Variants in MACROD2 observed in about 807,000 individuals in gnomAD.
MACROD2 encodes the protein mono-ADP ribosylhydrolase 2.
In MACROD2, 36 loss-of-function variants were observed where a neutral mutation model predicts 70.4. That is an observed-to-expected ratio of 0.51 (90% confidence interval 0.39 to 0.68). The LOEUF (loss-of-function observed/expected upper bound fraction) is 0.68, where lower values mean the gene tolerates loss of function less well. MACROD2 is among the 30% of genes least tolerant of loss of function. The probability of loss-of-function intolerance (pLI) is 0.00; values close to 1 mark genes in which losing one functional copy is unlikely to be tolerated. For missense variants in MACROD2, 496 were observed against 538.4 expected (o/e 0.92, Z 0.78); for synonymous variants, 172 against 178.8 (o/e 0.96, Z 0.30).
intron 13 of MACROD2, among the ~76,000 whole-genome samples, chr20:15,972,146 G>T (rs563228468): frequency 6.6e-6 from 1 of 151,978 alleles, no homozygotes; most frequent in Non-Finnish European, 1.5e-5. Flanking sequence ...TGAACTTGAA[G>T]ATGAAGCAAT....
chr20:14,846,315 C>T (rs2073139621), intron 5 of MACROD2, among the ~76,000 whole-genome samples: 1 of 152,016 alleles, frequency 6.6e-6, no homozygotes, highest in Admixed American at 6.6e-5. Context: ...CCTCCACCTC[C>T]TGCATTCAAG....
At position 15,568,225 on chromosome 20, in the gene MACROD2, T is replaced by C. The variant is rs182775182; in HGVS notation, c.645+68378T>C. On this transcript the variant is annotated intron_variant, in intron 8 of 17. Coordinates refer to ENST00000684519, the MANE Select transcript of MACROD2 (RefSeq NM_001351661.2). ...TTCTATTGAGAGTTTCGAGGAAATC[T>C]CAGACCTCTCATCCTTTGTGTTTCT... is the stretch of plus-strand genomic sequence containing the variant. 2.5e-4 allele frequency among the ~76,000 whole-genome samples: 38 copies of C among 152,340 alleles called. 1 individual carries two copies. The highest frequency in any genetic ancestry group is 2.5e-3 in the South Asian group (12 of 4,824).
chr20:14,337,261 G>A (rs2082955262), intron 3 of MACROD2: 3 of 232,844 alleles, frequency 1.3e-5, no homozygotes, highest in Non-Finnish European at 2.5e-5. Flanking sequence ...TTGCTGGCTT[G>A]CACGCACATA....
chr20:14,917,303 T>C (rs2074104501), intron 5 of MACROD2, among the ~76,000 whole-genome samples: 1 of 151,858 alleles, frequency 6.6e-6, no homozygotes, highest in Admixed American at 6.6e-5. Flanking sequence ...TGTTTCCTTA[T>C]GGGGAATTTT....
intron 5 of MACROD2, chr20:14,935,002 TGA>T (rs1222793052): frequency 6.6e-6 from 1 of 151,650 alleles, no homozygotes; most frequent in Non-Finnish European, 1.5e-5. Flanking sequence ...TACCAGAGGG[TGA>T]GGGACACCAT....
chr20:15,463,231 G>A (rs911082641), intron 7 of MACROD2, among the ~76,000 whole-genome samples: 2 of 152,196 alleles, frequency 1.3e-5, no homozygotes, highest in East Asian at 1.9e-4. Context: ...ACCGCCTGAA[G>A]AGGTGTGTTG....
intron 15 of MACROD2, among the ~76,000 whole-genome samples, chr20:16,035,125 AATATTATATATTATATATTAT>A (rs1223063444): frequency 5.1e-5 from 1 of 19,532 alleles, no homozygotes; most frequent in Non-Finnish European, 1.7e-4. Context: ...TATAATATAA[AATATTATATATTATATATTAT>A]ATATAAAATA....
intron 5 of MACROD2, among the ~76,000 whole-genome samples, chr20:14,877,316 C>T (rs1270785108): frequency 1.3e-5 from 2 of 152,038 alleles, no homozygotes; most frequent in South Asian, 2.1e-4. Context: ...TATCCTGAAA[C>T]TTTGCTAAAG....
intron 3 of MACROD2, among the ~76,000 whole-genome samples, chr20:14,095,674 T>A (rs1380187336): frequency 6.6e-6 from 1 of 152,242 alleles, no homozygotes; most frequent in Non-Finnish European, 1.5e-5. Context: ...TGGAACACTA[T>A]CAACCAATAT....
chr20:15,866,466 A>T (rs571825263), intron 9 of MACROD2, among the ~76,000 whole-genome samples: 36 of 152,290 alleles, frequency 2.4e-4, no homozygotes, highest in Admixed American at 9.8e-4. Context: ...AAAGAAAAAA[A>T]AATGGATGCC....
intron 5 of MACROD2, among the ~76,000 whole-genome samples, chr20:14,917,236 G>A (rs1277481514): frequency 1.3e-5 from 2 of 150,488 alleles, no homozygotes; most frequent in Admixed American, 1.3e-4. Flanking sequence ...GCGGAGGCCT[G>A]AGGTTAGCTT....
intron 5 of MACROD2, among the ~76,000 whole-genome samples, chr20:14,919,252 C>T (rs2074131416): frequency 6.6e-6 from 1 of 152,150 alleles, no homozygotes; most frequent in Non-Finnish European, 1.5e-5. Context: ...AATTGAGTGG[C>T]CTAGTTCTCT....
intron 6 of MACROD2, among the ~76,000 whole-genome samples, chr20:15,327,354 T>C (rs1309406386): frequency 6.6e-6 from 1 of 152,088 alleles, no homozygotes; most frequent in Non-Finnish European, 1.5e-5. Context: ...GTGATCCCCT[T>C]ATTTGTCCAT....
chr20:14,848,296 TTGGA>T (rs2073163954), intron 5 of MACROD2, among the ~76,000 whole-genome samples: 1 of 152,170 alleles, frequency 6.6e-6, no homozygotes, highest in African/African-American at 2.4e-5. Context: ...ACATATACTC[TTGGA>T]TATCATAGCC....
chr20:14,109,270 A>G (rs1051767362), intron 3 of MACROD2, among the ~76,000 whole-genome samples: 30 of 151,892 alleles, frequency 2.0e-4, no homozygotes, highest in African/African-American at 6.5e-4. Flanking sequence ...AGAAAGGGAA[A>G]TTTATAGCTA....
At chr20:14,207,892 T>A (rs537961766) in intron 3 of MACROD2, among the ~76,000 whole-genome samples, 2 of 152,282 alleles carry the variant, frequency 1.3e-5, no homozygotes, top group Non-Finnish European at 2.9e-5. Context: ...ATGTAGTGAG[T>A]CCTGGAGGAA....
At chr20:14,268,640 G>T (rs962224202) in intron 3 of MACROD2, among the ~76,000 whole-genome samples, 5 of 151,982 alleles carry the variant, frequency 3.3e-5, no homozygotes, top group Admixed American at 3.3e-4. Context: ...AGAATCTTAC[G>T]ACCAAAAGAA....
At chr20:15,797,150 G>A (rs566825100) in intron 8 of MACROD2, among the ~76,000 whole-genome samples, 3 of 152,220 alleles carry the variant, frequency 2.0e-5, no homozygotes, top group Non-Finnish European at 4.4e-5. Flanking sequence ...GTCTCGCTCT[G>A]TTGCCCAGGC....
chr20:14,790,641 T>TA (rs1342305839), intron 5 of MACROD2, among the ~76,000 whole-genome samples: 1 of 152,116 alleles, frequency 6.6e-6, no homozygotes, highest in Non-Finnish European at 1.5e-5. Context: ...CTTGTAAAGT[T>TA]ACCTGTTATG....
Sources: allele counts gnomAD v4.1 joint callset (sites outside exome capture counted in the v4.1 genomes callset), GRCh38; gene constraint gnomAD v4.1.1; transcripts MANE v1.5; gene names NCBI Gene and HGNC (gene_info 2026-07-23, HGNC 2026-07-21).